CTIF: variants seen among roughly 807,000 people sequenced by gnomAD.
The protein encoded by CTIF is CBP80/20-dependent translation initiation factor.
CTIF carries 21 observed loss-of-function variants against 66.0 expected under a neutral mutation model. The observed-to-expected ratio is 0.32, with a 90% confidence interval of 0.23 to 0.46. The LOEUF (loss-of-function observed/expected upper bound fraction) is 0.46. Among genes scored for constraint, CTIF ranks in the 20% least tolerant of loss-of-function variants. The pLI, the probability that CTIF is intolerant of heterozygous loss-of-function variation, is 1.00. For missense variants in CTIF, 739 were observed against 812.7 expected, an observed-to-expected ratio of 0.91 and a Z score of 1.10; for synonymous variants, 345 against 326.4, an observed-to-expected ratio of 1.06 and a Z score of -0.62.
intron 1 of CTIF, among the ~76,000 whole-genome samples, chr18:48,592,157 T>C (rs2089899163): frequency 6.6e-6 from 1 of 152,154 alleles, no homozygotes; most frequent in Non-Finnish European, 1.5e-5. Context: ...TACCTTATTG[T>C]AAAGCTCTCT....
chr18:48,830,807 C>T (rs1568252570), intron 10 of CTIF, among the ~76,000 whole-genome samples: 2 of 149,992 alleles, frequency 1.3e-5, no homozygotes, highest in Non-Finnish European at 2.9e-5. Flanking sequence ...CATTGCCCTA[C>T]TAGTGCCTGG....
intron 6 of CTIF, among the ~76,000 whole-genome samples, chr18:48,675,574 C>T (rs1021369274): frequency 1.3e-5 from 2 of 152,242 alleles, no homozygotes; most frequent in African/African-American, 4.8e-5. Flanking sequence ...CCACTCAATG[C>T]CCAGGCCCTT....
intron 1 of CTIF, among the ~76,000 whole-genome samples, chr18:48,548,876 G>A (rs1296692106): frequency 6.6e-6 from 1 of 152,232 alleles, no homozygotes; most frequent in Non-Finnish European, 1.5e-5. Flanking sequence ...CTGCCCATCT[G>A]CCCATCTTGC....
At position 48,836,136 on chromosome 18, in the gene CTIF, C is replaced by T. The variant is rs2068804274; in HGVS notation, c.1527+18760C>T. ...CCCACCTCCAGGCCCCACCTCCCTC[C>T]TCCCCCAGCAGCTGCTTCTCTAAAG... On this transcript the variant is annotated intron_variant, in intron 10 of 11. Coordinates refer to ENST00000256413, the MANE Select transcript of CTIF (RefSeq NM_014772.3). 3.3e-5 allele frequency among the ~76,000 whole-genome samples: 5 copies of T among 152,278 alleles called. No homozygotes were observed. In the South Asian group the frequency reaches 1.0e-3, roughly 32 times the overall value.
intron 3 of CTIF, among the ~76,000 whole-genome samples, chr18:48,652,490 G>T (rs904473948): frequency 3.3e-4 from 50 of 152,128 alleles, no homozygotes; most frequent in Non-Finnish European, 5.9e-4. Flanking sequence ...AGGCAATAAT[G>T]AATAGCCTAC....
intron 10 of CTIF, among the ~76,000 whole-genome samples, chr18:48,843,738 G>C (rs2069003934): frequency 6.6e-6 from 1 of 152,162 alleles, no homozygotes; most frequent in Non-Finnish European, 1.5e-5. Context: ...TAATGACTTT[G>C]AGATGACAGG....
intron 1 of CTIF, among the ~76,000 whole-genome samples, chr18:48,559,657 T>C (rs1388886522): frequency 6.6e-6 from 1 of 152,218 alleles, no homozygotes; most frequent in Non-Finnish European, 1.5e-5. Context: ...CACATTCTCA[T>C]GGCTGGCAAG....
chr18:48,625,160 T>C (rs1342981116), intron 2 of CTIF: 2 of 968,832 alleles, frequency 2.1e-6, no homozygotes, highest in African/African-American at 3.5e-5. Flanking sequence ...TGCCCTTAAA[T>C]TCATTTTTCC....
At chr18:48,805,035 G>A (rs541773101) in intron 9 of CTIF, among the ~76,000 whole-genome samples, 155 of 152,204 alleles carry the variant, frequency 1.0e-3, no homozygotes, top group Non-Finnish European at 1.9e-3. Context: ...ATCCTTTTCT[G>A]TAAGGATTCT....
At chr18:48,658,123 T>C (rs2091274497) in intron 3 of CTIF, among the ~76,000 whole-genome samples, 1 of 152,156 alleles carries the variant, frequency 6.6e-6, no homozygotes, top group African/African-American at 2.4e-5. Context: ...CTGACACATG[T>C]ATGTGTATGT....
intron 7 of CTIF, among the ~76,000 whole-genome samples, chr18:48,731,538 G>A (rs532673596): frequency 3.3e-5 from 5 of 152,270 alleles, no homozygotes; most frequent in Admixed American, 3.3e-4. Context: ...TGTCTTCCCA[G>A]TGGCCACCTA....
At chr18:48,806,922 G>C (rs2146262067) in intron 9 of CTIF, among the ~76,000 whole-genome samples, 1 of 152,288 alleles carries the variant, frequency 6.6e-6, no homozygotes, top group Admixed American at 6.5e-5. Flanking sequence ...TAAAGTTTGG[G>C]GAAAGGCACT....
At chr18:48,717,334 G>A (rs1029300420) in intron 7 of CTIF, among the ~76,000 whole-genome samples, 5 of 151,818 alleles carry the variant, frequency 3.3e-5, no homozygotes, top group African/African-American at 1.2e-4. Flanking sequence ...GGAGGCGGAG[G>A]TTGCAGTGAG....
chr18:48,767,755 T>G (rs556048844), intron 9 of CTIF, among the ~76,000 whole-genome samples: 116 of 152,314 alleles, frequency 7.6e-4, no homozygotes, highest in African/African-American at 2.6e-3. Flanking sequence ...GACAGCCTGT[T>G]AAAAAGCTGA....
At chr18:48,585,200 C>T (rs1369988155) in intron 1 of CTIF, among the ~76,000 whole-genome samples, 1 of 152,248 alleles carries the variant, frequency 6.6e-6, no homozygotes, top group Non-Finnish European at 1.5e-5. Flanking sequence ...GGTAAAAGTG[C>T]TGCATCTTCT....
intron 10 of CTIF, among the ~76,000 whole-genome samples, chr18:48,844,978 T>A (rs2146575356): frequency 6.6e-6 from 1 of 152,254 alleles, no homozygotes; most frequent in Non-Finnish European, 1.5e-5. Context: ...GCACCTCACC[T>A]CTACCTTTAA....
intron 7 of CTIF, among the ~76,000 whole-genome samples, chr18:48,712,715 C>T (rs371071973): frequency 6.6e-5 from 10 of 152,216 alleles, no homozygotes; most frequent in Non-Finnish European, 1.0e-4. Context: ...ACCCTAGCGG[C>T]GCCTGTGCTC....
At chr18:48,851,707 G>A (rs546455284) in intron 10 of CTIF, among the ~76,000 whole-genome samples, 23 of 152,190 alleles carry the variant, frequency 1.5e-4, no homozygotes, top group East Asian at 5.8e-4. Flanking sequence ...GTCAGCCAGC[G>A]ACATCCGCCT....
chr18:48,783,565 A>G (rs1158902686), intron 9 of CTIF, among the ~76,000 whole-genome samples: 1 of 152,052 alleles, frequency 6.6e-6, no homozygotes, highest in Non-Finnish European at 1.5e-5. Context: ...GGAACTGTTG[A>G]GTGTGTGGGG....
Sources: allele counts gnomAD v4.1 joint callset (sites outside exome capture counted in the v4.1 genomes callset), GRCh38; gene constraint gnomAD v4.1.1; transcripts MANE v1.5; gene names NCBI Gene and HGNC (gene_info 2026-07-23, HGNC 2026-07-21).